Variants in PCDHGA6 observed in about 807,000 individuals in gnomAD.
PCDHGA6 encodes protocadherin gamma subfamily A, 6.
A neutral mutation model predicts 60.6 loss-of-function variants in PCDHGA6; 41 were observed. That is an observed-to-expected ratio of 0.68 (90% CI 0.53 to 0.88). The LOEUF is 0.88. Among genes scored for constraint, PCDHGA6 ranks in the 40% least tolerant of loss-of-function variants. The pLI is 0.00. For missense variants in PCDHGA6, 1,312 were observed against 1,203.0 expected, an observed-to-expected ratio of 1.09 and a Z score of -1.34; for synonymous variants, 594 against 524.4, an observed-to-expected ratio of 1.13 and a Z score of -1.81.
At chr5:141,398,199 G>A in intron 1 of PCDHGA6, 1 of 1,491,242 alleles carries the variant, frequency 6.7e-7, no homozygotes, top group South Asian at 1.3e-5. Flanking sequence ...TGCTGTCTTT[G>A]TTCTGCCCGG....
At chr5:141,400,747 G>GCTT (rs1302066014) in intron 1 of PCDHGA6, 9 of 602,662 alleles carry the variant, frequency 1.5e-5, no homozygotes, top group Admixed American at 6.5e-5. Context: ...TTTGCTCTTA[G>GCTT]CTTCCTCTCT....
chr5:141,375,003 T>C lies in PCDHGA6; in HGVS notation c.920T>C (p.Leu307Pro), dbSNP rs376283841. The C allele has an allele frequency of 7.7e-5, 124 of 1,613,936 alleles. No individual in the cohort carries two copies. Among genetic ancestry groups the C allele is most frequent in the Non-Finnish European group, 1.0e-4 (120 of 1,179,910 alleles). The stretch of plus-strand genomic sequence containing the variant: ...GGAGAAATTTCAACTTCTGCAAATC[T>C]AGACTATGAGGACTCGAGTTTTTAT... ...LTGEISTSANLDYEDSSFYEL... is the reference protein window; with the variant it reads ...LTGEISTSANPDYEDSSFYEL... The change falls in exon 1 of 4, where the codon CTA becomes CCA. Residue 307 changes from leucine (L) to proline (P), a missense_variant. Transcript: ENST00000517434.
At position 141,487,570 on chromosome 5, in the gene PCDHGA6, T is replaced by A; in HGVS notation, c.2425-7237T>A. 6.2e-7 allele frequency: 1 copy of A among 1,614,178 alleles called. No homozygotes were observed. On this transcript the variant is annotated intron_variant, in intron 1 of 3. Transcript: ENST00000517434. The surrounding 1 kb of genome is among the most constrained non-coding windows in gnomAD (Gnocchi z 5.0). ...CCAGTGCACCTATGGCAGGGGAGCCTGTTCGCCCAAGCTGCCCACCCTCTG... is the reference window on the plus strand; with the variant it reads ...CCAGTGCACCTATGGCAGGGGAGCCAGTTCGCCCAAGCTGCCCACCCTCTG...
At chr5:141,437,013 A>G (rs570721163) in intron 1 of PCDHGA6, among the ~76,000 whole-genome samples, 146 of 152,354 alleles carry the variant, frequency 9.6e-4, no homozygotes, top group Non-Finnish European at 1.2e-3. Flanking sequence ...ATCTTAGATA[A>G]TTTCACCAGA....
At chr5:141,409,863 A>G in intron 1 of PCDHGA6, 3 of 1,612,376 alleles carry the variant, frequency 1.9e-6, no homozygotes, top group Non-Finnish European at 2.5e-6. Flanking sequence ...TTGGTGGGAG[A>G]CCGCAATGAC....
chr5:141,421,425 C>T, intron 1 of PCDHGA6: 1 of 1,614,100 alleles, frequency 6.2e-7, no homozygotes, highest in Non-Finnish European at 8.5e-7. Context: ...GCGGAGTCCG[C>T]ATCGTCTCCA....
rs962120197 is a variant in PCDHGA6 at position 141,375,396 on chromosome 5, T to C, written c.1313T>C (p.Ile438Thr). Residue 438 changes from isoleucine to threonine, a missense_variant, in exon 1 of 4, where the codon ATC (isoleucine) becomes ACC (threonine). Coordinates refer to ENST00000517434, the MANE Select transcript of PCDHGA6 (RefSeq NM_018919.3). Reference sequence around the variant, plus strand: ...CCACCTCTGTCTACAGAAACAATCATCTCTCTAAATGTGGCAGACACCAAC... The same window carrying C: ...CCACCTCTGTCTACAGAAACAATCACCTCTCTAAATGTGGCAGACACCAAC... ...GTPPLSTETIISLNVADTNDN... is the reference protein window; with the variant it reads ...GTPPLSTETITSLNVADTNDN... The C allele has an allele frequency of 3.5e-5, 56 of 1,613,744 alleles. No homozygotes were observed. The highest frequency in any genetic ancestry group is 4.6e-5 in the Non-Finnish European group (54 of 1,180,022).
At chr5:141,427,770 C>T (rs775095791) in intron 1 of PCDHGA6, 2 of 1,399,194 alleles carry the variant, frequency 1.4e-6, no homozygotes, top group Non-Finnish European at 2.0e-6. Context: ...TGACTTGGAG[C>T]TGCGGGCACT....
intron 1 of PCDHGA6, chr5:141,394,346 C>T: frequency 1.2e-6 from 2 of 1,614,156 alleles, no homozygotes; most frequent in Non-Finnish European, 1.7e-6. Context: ...ACTCTGACAC[C>T]GGTGTCCTGT....
chr5:141,394,184 C>T (rs1277537550), intron 1 of PCDHGA6: 1 of 1,613,944 alleles, frequency 6.2e-7, no homozygotes, highest in Non-Finnish European at 8.5e-7. Flanking sequence ...ATGCCTCCTA[C>T]TCAGCGTATA....
chr5:141,476,453 G>C lies in PCDHGA6; in HGVS notation c.2425-18354G>C. On this transcript the variant is annotated intron_variant, in intron 1 of 3. Coordinates refer to ENST00000517434, the MANE Select transcript of PCDHGA6 (RefSeq NM_018919.3). This position sits in a 1 kb window ranked among gnomAD's most constrained non-coding sequence, Gnocchi z 7.6. The stretch of plus-strand genomic sequence containing the variant: ...CACTGTAACTCTGGAGTTGGTAGTG[G>C]AGAACCCGCTGGAGCTGTTCAGCGT... 2 of 1,614,138 alleles carry C rather than the reference G, an allele frequency of 1.2e-6. No homozygotes were observed. Among genetic ancestry groups the C allele is most frequent in the Non-Finnish European group, 1.7e-6 (2 of 1,180,022 alleles).
At chr5:141,394,159 C>T in intron 1 of PCDHGA6, 1 of 1,613,916 alleles carries the variant, frequency 6.2e-7, no homozygotes, top group Non-Finnish European at 8.5e-7. Context: ...AACGACAACC[C>T]TCCTACTTTC....
intron 1 of PCDHGA6, among the ~76,000 whole-genome samples, chr5:141,471,014 G>A (rs2099246573): frequency 6.7e-6 from 1 of 148,628 alleles, no homozygotes; most frequent in Non-Finnish European, 1.5e-5. Context: ...ACTGTGCCTG[G>A]TCAATCATTT....
intron 1 of PCDHGA6, chr5:141,417,617 A>G (rs576281946): frequency 9.3e-6 from 6 of 646,206 alleles, no homozygotes; most frequent in African/African-American, 1.8e-5. Flanking sequence ...GCCAGTGCAG[A>G]GCAAGCGCTG....
rs938964469 is a variant in PCDHGA6 at position 141,485,439 on chromosome 5, C to T, written c.2425-9368C>T. On this transcript the variant is annotated intron_variant, in intron 1 of 3. Transcript: ENST00000517434. This position sits in a 1 kb window ranked among gnomAD's most constrained non-coding sequence, Gnocchi z 5.7. The stretch of plus-strand genomic sequence containing the variant: ...AGCGGAGCCCTGCTCATCAAGAACC[C>T]AATCGACCGAGAGGCACTGTGTGGG... The T allele has an allele frequency of 1.1e-5, 18 of 1,614,182 alleles. No homozygotes were observed. Among genetic ancestry groups the T allele is most frequent in the Non-Finnish European group, 1.5e-5 (18 of 1,180,036 alleles).
intron 1 of PCDHGA6, among the ~76,000 whole-genome samples, chr5:141,458,065 GA>G (rs541812590): frequency 3.5e-3 from 534 of 152,242 alleles, no homozygotes; most frequent in Middle Eastern, 6.8e-3. Context: ...GCACTGATGC[GA>G]ACAACTATAT....
chr5:141,392,801 C>A, intron 1 of PCDHGA6: 1 of 1,570,660 alleles, frequency 6.4e-7, no homozygotes, highest in Admixed American at 1.9e-5. Flanking sequence ...GAGGATTCTG[C>A]AGCAAAACAA....
At chr5:141,429,912 A>G (rs1341795921) in intron 1 of PCDHGA6, among the ~76,000 whole-genome samples, 2 of 152,234 alleles carry the variant, frequency 1.3e-5, no homozygotes, top group Admixed American at 1.3e-4. Flanking sequence ...TTGAAATATA[A>G]TGTATTAATA....
chr5:141,480,137 A>G (rs1183663599), intron 1 of PCDHGA6, among the ~76,000 whole-genome samples: 2 of 152,096 alleles, frequency 1.3e-5, no homozygotes, highest in Non-Finnish European at 2.9e-5. Context: ...CTGTTAAACA[A>G]TTATTAGCCA....
Sources: allele counts gnomAD v4.1 joint callset (sites outside exome capture counted in the v4.1 genomes callset), GRCh38; gene constraint gnomAD v4.1.1; non-coding constraint Gnocchi (gnomAD v3.1); transcripts MANE v1.5; gene names NCBI Gene and HGNC (gene_info 2026-07-23, HGNC 2026-07-21).